The following MCTP2 variants were observed in gnomAD, a reference collection of about 807,000 sequenced individuals.
The protein encoded by MCTP2 is multiple C2 and transmembrane domain-containing protein 2.
A neutral mutation model predicts 111.6 loss-of-function variants in MCTP2; 132 were observed. That is an observed-to-expected ratio of 1.18 (90% CI 1.03 to 1.37). MCTP2 has a LOEUF of 1.37. MCTP2 is among the 40% of genes most tolerant of loss of function. The pLI is 0.00. For missense variants in MCTP2, 1,183 were observed against 1,067.9 expected (o/e 1.11, Z -1.50); for synonymous variants, 395 against 387.7 (o/e 1.02, Z -0.22).
intron 1 of MCTP2, among the ~76,000 whole-genome samples, chr15:94,243,145 T>G (rs202005082): frequency 0.098 from 9,552 of 97,332 alleles, 2,038 homozygotes; most frequent in Admixed American, 0.16. Context: ...GTGGATATAT[T>G]TATATACGTG....
chr15:94,369,133 T>G (rs979026464), intron 11 of MCTP2, among the ~76,000 whole-genome samples: 13 of 152,248 alleles, frequency 8.5e-5, no homozygotes, highest in African/African-American at 3.1e-4. Flanking sequence ...TTGTTTTGTT[T>G]GTTTAGGTTG....
At chr15:94,430,011 C>G (rs1437730458) in intron 17 of MCTP2, among the ~76,000 whole-genome samples, 1 of 152,194 alleles carries the variant, frequency 6.6e-6, no homozygotes, top group Non-Finnish European at 1.5e-5. Context: ...TACTTTCTAA[C>G]TAGTCAAAAC....
At chr15:94,246,444 A>T (rs2072014420) in intron 1 of MCTP2, among the ~76,000 whole-genome samples, 1 of 152,190 alleles carries the variant, frequency 6.6e-6, no homozygotes, top group South Asian at 2.1e-4. Context: ...TACCTGAAGC[A>T]CCATAGCCTC....
chr15:94,287,525 C>T (rs1439355236), intron 1 of MCTP2, among the ~76,000 whole-genome samples: 1 of 152,156 alleles, frequency 6.6e-6, no homozygotes, highest in Non-Finnish European at 1.5e-5. Flanking sequence ...GTACTACTCA[C>T]ATACTTGGAG....
chr15:94,447,293 C>A (rs2084172494), intron 19 of MCTP2, among the ~76,000 whole-genome samples: 1 of 152,136 alleles, frequency 6.6e-6, no homozygotes, highest in Admixed American at 6.5e-5. Flanking sequence ...TCTATAATAT[C>A]CTAACCAGAG....
chr15:94,401,882 G>A lies in MCTP2; in HGVS notation c.1966-18G>A, dbSNP rs745887299. ...AGTATTTAAATCTAGTTTCCTGTTT[G>A]TCATTTTTTAAAATCAGATCTTATC... On this transcript the variant is annotated intron_variant, in intron 16 of 22. Transcript: ENST00000357742. 6.3e-7 allele frequency: 1 copy of A among 1,591,792 alleles called. No individual in the cohort carries two copies.
At chr15:94,460,520 G>A (rs1000370150) in intron 20 of MCTP2, among the ~76,000 whole-genome samples, 4 of 152,172 alleles carry the variant, frequency 2.6e-5, no homozygotes, top group Non-Finnish European at 5.9e-5. Flanking sequence ...GAGGATAAGA[G>A]GACACAGAGT....
chr15:94,394,426 G>C (rs188068995), intron 14 of MCTP2, among the ~76,000 whole-genome samples: 16 of 152,058 alleles, frequency 1.1e-4, no homozygotes, highest in African/African-American at 3.6e-4. Context: ...GATCAAATAC[G>C]AATATGCCTT....
Position 94,481,684 on chromosome 15 carries a change from A to C in MCTP2, c.*2650A>C, listed in dbSNP as rs1323971922. 6.6e-6 allele frequency: 1 copy of C among 152,222 alleles called. No homozygotes were observed. The highest frequency in any genetic ancestry group is 2.4e-5 in the African/African-American group (1 of 41,450). The allele number at this position is 152,222 out of a possible 1,614,324, so 9.4% of individuals were successfully genotyped here. A position where few individuals can be genotyped will look rare whatever the true frequency, so the allele number is the denominator to read the frequency against. ...ATGTGACTCCAACTTCCTTTTTTGT[A>C]CCATCACATCTTTCATATCTTTCTG... On this transcript the variant is annotated 3_prime_UTR_variant, in exon 23 of 23. Coordinates refer to ENST00000357742, the MANE Select transcript of MCTP2 (RefSeq NM_001385001.1).
At chr15:94,374,058 A>G (rs1394926850) in intron 12 of MCTP2, among the ~76,000 whole-genome samples, 1 of 152,212 alleles carries the variant, frequency 6.6e-6, no homozygotes, top group Non-Finnish European at 1.5e-5. Flanking sequence ...AAAGAGAAAC[A>G]TTTTATTCTG....
chr15:94,325,845 G>T, intron 4 of MCTP2, among the ~76,000 whole-genome samples: 1 of 92,436 alleles, frequency 1.1e-5, no homozygotes, highest in Non-Finnish European at 1.9e-5. Context: ...TTTTGAGACG[G>T]AGTCTTGGTC....
chr15:94,406,342 T>G (rs772545044), intron 17 of MCTP2, among the ~76,000 whole-genome samples: 2 of 152,224 alleles, frequency 1.3e-5, no homozygotes, highest in Non-Finnish European at 2.9e-5. Flanking sequence ...CCAGGCCATC[T>G]TGCTTTAGTC....
Position 94,263,247 on chromosome 15 carries a change from G to A in MCTP2, c.-66+31583G>A, listed in dbSNP as rs75325926. Among the ~76,000 whole-genome samples, 256 of 152,266 alleles carry A rather than the reference G, an allele frequency of 1.7e-3. 2 individuals carry two copies. The highest frequency in any genetic ancestry group is 6.8e-3 in the Middle Eastern group (2 of 294). On this transcript the variant is annotated intron_variant, in intron 1 of 22. Transcript: ENST00000357742. The stretch of plus-strand genomic sequence containing the variant: ...TTCGGCTGAATAGTGAATGGGCATT[G>A]TGTCTTCTGAGAGATACATACAGCT...
At chr15:94,242,257 C>G (rs1008529239) in intron 1 of MCTP2, among the ~76,000 whole-genome samples, 1 of 152,132 alleles carries the variant, frequency 6.6e-6, no homozygotes, top group African/African-American at 2.4e-5. Context: ...ACGTTGACAT[C>G]TCTGGAACTC....
intron 17 of MCTP2, among the ~76,000 whole-genome samples, chr15:94,430,101 T>A: frequency 6.6e-6 from 1 of 152,196 alleles, no homozygotes; most frequent in East Asian, 1.9e-4. Flanking sequence ...TTTCAATAGC[T>A]TTGTAGATGA....
chr15:94,406,856 TTG>T (rs2081922584), intron 17 of MCTP2, among the ~76,000 whole-genome samples: 3 of 128,722 alleles, frequency 2.3e-5, no homozygotes, highest in African/African-American at 1.1e-4. Context: ...GACTTTTCAG[TTG>T]TTTTTTTTTT....
chr15:94,414,016 C>A (rs938843134), intron 17 of MCTP2, among the ~76,000 whole-genome samples: 19 of 152,216 alleles, frequency 1.2e-4, no homozygotes, highest in Non-Finnish European at 2.8e-4. Flanking sequence ...TTCTTGTAGT[C>A]TCATTTAGAA....
chr15:94,249,435 C>T (rs1407881847), intron 1 of MCTP2, among the ~76,000 whole-genome samples: 6 of 152,018 alleles, frequency 3.9e-5, no homozygotes. Context: ...TTTCCAAAGC[C>T]CAAGGCAGAT....
chr15:94,286,437 A>T (rs1567331761), intron 1 of MCTP2, among the ~76,000 whole-genome samples: 1 of 152,194 alleles, frequency 6.6e-6, no homozygotes, highest in African/African-American at 2.4e-5. Flanking sequence ...AATTAAAAAA[A>T]TATCCAGTAA....
Sources: allele counts gnomAD v4.1 joint callset (sites outside exome capture counted in the v4.1 genomes callset), GRCh38; gene constraint gnomAD v4.1.1; transcripts MANE v1.5; gene names NCBI Gene and HGNC (gene_info 2026-07-23, HGNC 2026-07-21).